TSPAN9: variants seen among roughly 807,000 people sequenced by gnomAD.
TSPAN9 encodes tetraspanin-9.
A neutral mutation model predicts 31.0 loss-of-function variants in TSPAN9; 16 were observed. The observed-to-expected ratio is 0.52, with a 90% confidence interval of 0.35 to 0.78. The LOEUF is 0.78. Among genes scored for constraint, TSPAN9 ranks in the 30% least tolerant of loss-of-function variants. The pLI is 0.01. For synonymous variants in TSPAN9, 145 were observed against 121.6 expected (o/e 1.19, Z -1.27); for missense variants, 272 against 312.5 (o/e 0.87, Z 0.98).
intron 2 of TSPAN9, among the ~76,000 whole-genome samples, chr12:3,114,842 C>CAAA (rs34841785): frequency 1.5e-3 from 107 of 73,712 alleles, no homozygotes; most frequent in South Asian, 2.1e-3. Flanking sequence ...GGCTCCATCT[C>CAAA]AAAAAAAAAA....
At chr12:3,162,277 C>T (rs541426926) in intron 2 of TSPAN9, among the ~76,000 whole-genome samples, 4 of 152,314 alleles carry the variant, frequency 2.6e-5, no homozygotes, top group East Asian at 1.9e-4. Flanking sequence ...ACATCAGAAT[C>T]GTGAGCCAAA....
intron 3 of TSPAN9, among the ~76,000 whole-genome samples, chr12:3,262,142 C>T (rs1421871301): frequency 5.3e-5 from 8 of 152,310 alleles, no homozygotes; most frequent in Non-Finnish European, 1.2e-4. Context: ...GATGCAAAGC[C>T]GCCACGTGGA....
chr12:3,165,866 A>T (rs1468355955), intron 2 of TSPAN9, among the ~76,000 whole-genome samples: 1 of 152,084 alleles, frequency 6.6e-6, no homozygotes, highest in Non-Finnish European at 1.5e-5. Flanking sequence ...CTCATAAGTA[A>T]TCTGTGTCTC....
intron 2 of TSPAN9, among the ~76,000 whole-genome samples, chr12:3,132,204 G>T (rs780111520): frequency 7.2e-5 from 11 of 152,160 alleles, no homozygotes; most frequent in Non-Finnish European, 1.5e-4. Context: ...CCTTTGGGCT[G>T]TTGTAAATAG....
At chr12:3,104,640 C>T (rs1047610128) in intron 2 of TSPAN9, among the ~76,000 whole-genome samples, 12 of 152,322 alleles carry the variant, frequency 7.9e-5, no homozygotes, top group African/African-American at 2.4e-4. Flanking sequence ...AGGCGTGAGC[C>T]ACTGCGCCTG....
At chr12:3,246,183 G>A (rs1018014648) in intron 3 of TSPAN9, among the ~76,000 whole-genome samples, 6 of 151,694 alleles carry the variant, frequency 4.0e-5, no homozygotes, top group Non-Finnish European at 8.8e-5. Context: ...GGGTGAGATT[G>A]CGGGGCGGGG....
intron 2 of TSPAN9, among the ~76,000 whole-genome samples, chr12:3,154,181 G>A (rs970784667): frequency 2.6e-5 from 4 of 152,102 alleles, no homozygotes; most frequent in Admixed American, 6.6e-5. Flanking sequence ...AATACCAGCC[G>A]GAAGTCAGGT....
In TSPAN9 at chr12:3,189,639, C is replaced by A. The variant is rs897579574; in HGVS notation, c.-17-11538C>A. Among the ~76,000 whole-genome samples, 3 of 152,100 alleles carry A rather than the reference C, an allele frequency of 2.0e-5. No homozygotes were observed. In the East Asian group the frequency reaches 5.8e-4, roughly 29 times the overall value. On this transcript the variant is annotated intron_variant, in intron 2 of 8. Transcript: ENST00000011898. The stretch of plus-strand genomic sequence containing the variant: ...GGCTTGGTAGCCTGGATGGCTGATT[C>A]GAGGGTGTGAGTTGTGACTATTTTC...
intron 2 of TSPAN9, among the ~76,000 whole-genome samples, chr12:3,190,352 C>T (rs762830102): frequency 6.6e-5 from 10 of 152,246 alleles, no homozygotes; most frequent in Admixed American, 2.0e-4. Context: ...TCCGTGTGCC[C>T]GGCGGTCTGC....
At position 3,172,357 on chromosome 12, in the gene TSPAN9, C is replaced by T. The variant is rs1338017437; in HGVS notation, c.-17-28820C>T. 6.6e-6 allele frequency: 1 copy of T among 152,348 alleles called. No homozygotes were observed. The highest frequency in any genetic ancestry group is 2.4e-5 in the African/African-American group (1 of 41,458). 9.4% of individuals were successfully genotyped at this position (152,348 alleles called of 1,614,324 possible). Reference sequence around the variant, plus strand: ...TCTGGAGGCAGCCCCGGGGAGCCGGCATGGTCAGGGTCATGCTGTTTTCAG... The same window carrying T: ...TCTGGAGGCAGCCCCGGGGAGCCGGTATGGTCAGGGTCATGCTGTTTTCAG... On this transcript the variant is annotated intron_variant, in intron 2 of 8. Coordinates refer to ENST00000011898, the MANE Select transcript of TSPAN9 (RefSeq NM_006675.5). This position sits in a 1 kb window ranked among gnomAD's most constrained non-coding sequence, Gnocchi z 4.8.
chr12:3,277,864 T>C (rs1246958542), intron 3 of TSPAN9, among the ~76,000 whole-genome samples: 1 of 152,240 alleles, frequency 6.6e-6, no homozygotes, highest in Non-Finnish European at 1.5e-5. Context: ...TTTCTCCATC[T>C]GTGGGAAATT....
chr12:3,209,010 G>A (rs1251020169), intron 3 of TSPAN9, among the ~76,000 whole-genome samples: 2 of 152,214 alleles, frequency 1.3e-5, no homozygotes, highest in African/African-American at 4.8e-5. Flanking sequence ...GCCAAGGTGG[G>A]TGGATCACGA....
chr12:3,094,329 A>G (rs558049752), intron 2 of TSPAN9, among the ~76,000 whole-genome samples: 4,322 of 152,158 alleles, frequency 0.028, 200 homozygotes, highest in African/African-American at 0.1. Flanking sequence ...TGCCTCTATT[A>G]GAGAAATTCC....
intron 2 of TSPAN9, among the ~76,000 whole-genome samples, chr12:3,196,175 G>T (rs2098366977): frequency 6.6e-6 from 1 of 152,198 alleles, no homozygotes; most frequent in African/African-American, 2.4e-5. Flanking sequence ...TGTTCCTAGA[G>T]CTGCCTTCCT....
chr12:3,177,338 T>C (rs1317865619), intron 2 of TSPAN9, among the ~76,000 whole-genome samples: 1 of 149,600 alleles, frequency 6.7e-6, no homozygotes, highest in Non-Finnish European at 1.5e-5. Context: ...GGGGTTTCAC[T>C]GTGTTAGCCA....
At chr12:3,251,289 G>A (rs1862239905) in intron 3 of TSPAN9, among the ~76,000 whole-genome samples, 1 of 152,162 alleles carries the variant, frequency 6.6e-6, no homozygotes, top group Non-Finnish European at 1.5e-5. Context: ...ACAGGCCCCA[G>A]CAGTGAGCTG....
chr12:3,217,026 G>A (rs1341942237), intron 3 of TSPAN9, among the ~76,000 whole-genome samples: 2 of 152,262 alleles, frequency 1.3e-5, no homozygotes, highest in Non-Finnish European at 2.9e-5. Flanking sequence ...AGAAGTGGCA[G>A]ACTGGCTGAG....
At chr12:3,094,847 C>CTTTTTTTTTTTTTT (rs61154605) in intron 2 of TSPAN9, among the ~76,000 whole-genome samples, 2 of 101,948 alleles carry the variant, frequency 2.0e-5, no homozygotes, top group African/African-American at 4.2e-5. Flanking sequence ...AATCAATAAT[C>CTTTTTTTTTTTTTT]TTTTTTTTTT....
intron 2 of TSPAN9, among the ~76,000 whole-genome samples, chr12:3,109,931 A>C (rs2098317541): frequency 6.6e-6 from 1 of 152,152 alleles, no homozygotes; most frequent in Non-Finnish European, 1.5e-5. Context: ...TGAAAGCTGA[A>C]TCCTAAAGCA....
Sources: allele counts gnomAD v4.1 joint callset (sites outside exome capture counted in the v4.1 genomes callset), GRCh38; gene constraint gnomAD v4.1.1; non-coding constraint Gnocchi (gnomAD v3.1); transcripts MANE v1.5; gene names NCBI Gene and HGNC (gene_info 2026-07-23, HGNC 2026-07-21).